Variants in CCSER1 observed in about 807,000 individuals in gnomAD.
CCSER1 encodes serine-rich coiled-coil domain-containing protein 1.
In CCSER1, 41 loss-of-function variants were observed where a neutral mutation model predicts 82.0. The ratio of observed to expected loss-of-function variants is 0.50; its 90% confidence interval spans 0.39 to 0.65. CCSER1 has a LOEUF of 0.65. Among genes scored for constraint, CCSER1 ranks in the 30% least tolerant of loss-of-function variants. The pLI, the probability that CCSER1 is intolerant of heterozygous loss-of-function variation, is 0.00. For missense variants in CCSER1, 1,119 were observed against 1,064.2 expected (o/e 1.05, Z -0.72); for synonymous variants, 414 against 383.9 (o/e 1.08, Z -0.92).
chr4:90,916,558 A>G (rs1207649026), intron 8 of CCSER1, among the ~76,000 whole-genome samples: 2 of 152,138 alleles, frequency 1.3e-5, no homozygotes, highest in Non-Finnish European at 2.9e-5. Context: ...AACCATAAAA[A>G]CCCTAGAAGA....
At chr4:90,551,706 C>CTATATATATATATATATATATA (rs1553940962) in intron 5 of CCSER1, among the ~76,000 whole-genome samples, 7 of 104,240 alleles carry the variant, frequency 6.7e-5, no homozygotes, top group African/African-American at 2.3e-4. Flanking sequence ...CTCTCTCTCT[C>CTATATATATATATATATATATA]TATATATATA....
intron 10 of CCSER1, among the ~76,000 whole-genome samples, chr4:91,560,721 C>T (rs1425927423): frequency 6.6e-6 from 1 of 151,428 alleles, no homozygotes; most frequent in Non-Finnish European, 1.5e-5. Context: ...GCAAATTATT[C>T]ACTCATATCT....
intron 10 of CCSER1, among the ~76,000 whole-genome samples, chr4:91,321,829 G>A (rs987879683): frequency 1.3e-5 from 2 of 151,774 alleles, no homozygotes; most frequent in East Asian, 1.9e-4. Flanking sequence ...AGCTCCCTTC[G>A]ATCATTTAAA....
chr4:90,308,223 T>C, intron 1 of CCSER1, 21 bp from the exon 2 acceptor site: 1 of 1,445,628 alleles, frequency 6.9e-7, no homozygotes, highest in South Asian at 1.5e-5. Flanking sequence ...GACTTGTTGT[T>C]TTTGTTTTAA....
intron 10 of CCSER1, among the ~76,000 whole-genome samples, chr4:91,329,423 G>T (rs990940324): frequency 5.9e-5 from 9 of 152,236 alleles, no homozygotes; most frequent in African/African-American, 2.2e-4. Context: ...GAGTTCAAGG[G>T]AAATGCTGTT....
intron 1 of CCSER1, among the ~76,000 whole-genome samples, chr4:90,224,657 A>T (rs1742793897): frequency 6.6e-6 from 1 of 152,220 alleles, no homozygotes; most frequent in South Asian, 2.1e-4. Context: ...GATACATTCG[A>T]TGGAAGAAGA....
intron 1 of CCSER1, among the ~76,000 whole-genome samples, chr4:90,169,212 C>G (rs1386606306): frequency 1.3e-5 from 2 of 151,912 alleles, no homozygotes; most frequent in East Asian, 3.9e-4. Flanking sequence ...AGTTGGACTC[C>G]TAGGTATTTT....
intron 10 of CCSER1, among the ~76,000 whole-genome samples, chr4:91,492,302 G>T (rs1161801763): frequency 6.6e-6 from 1 of 151,986 alleles, no homozygotes; most frequent in African/African-American, 2.4e-5. Flanking sequence ...ATTTACTACT[G>T]CCTCAAATCT....
At chr4:90,638,452 T>C (rs992668910) in intron 6 of CCSER1, among the ~76,000 whole-genome samples, 3 of 152,242 alleles carry the variant, frequency 2.0e-5, no homozygotes, top group South Asian at 4.1e-4. Context: ...ACTAACTTAG[T>C]ATTGTCAGTT....
intron 10 of CCSER1, among the ~76,000 whole-genome samples, chr4:91,311,492 A>G (rs544738873): frequency 1.0e-3 from 155 of 151,990 alleles, no homozygotes; most frequent in African/African-American, 3.7e-3. Flanking sequence ...AGTAACGACA[A>G]CAAGTTTACT....
At chr4:90,933,914 A>G (rs1730598673) in intron 9 of CCSER1, among the ~76,000 whole-genome samples, 1 of 151,816 alleles carries the variant, frequency 6.6e-6, no homozygotes, top group Non-Finnish European at 1.5e-5. Context: ...CATTTTTTAC[A>G]TTTTGTTTTA....
intron 10 of CCSER1, among the ~76,000 whole-genome samples, chr4:91,265,001 A>C (rs558990848): frequency 2.0e-3 from 298 of 152,168 alleles, no homozygotes; most frequent in African/African-American, 5.9e-3. Flanking sequence ...CTTAAGGCAC[A>C]ATTAGCATTC....
chr4:90,783,503 T>A (rs1034460927), intron 7 of CCSER1, among the ~76,000 whole-genome samples: 3 of 152,170 alleles, frequency 2.0e-5, no homozygotes, highest in African/African-American at 7.2e-5. Context: ...TCTTAGGGAA[T>A]CCCGCACACT....
At chr4:90,467,418 G>A (rs1763786319) in intron 4 of CCSER1, among the ~76,000 whole-genome samples, 3 of 151,874 alleles carry the variant, frequency 2.0e-5, no homozygotes. Flanking sequence ...CTGGCTGGTG[G>A]CTCATGCCTG....
chr4:90,452,267 C>G (rs1365643194), intron 4 of CCSER1, among the ~76,000 whole-genome samples: 1 of 152,142 alleles, frequency 6.6e-6, no homozygotes, highest in Non-Finnish European at 1.5e-5. Context: ...CAGTCCTGTT[C>G]AAGCTCCCCA....
intron 9 of CCSER1, among the ~76,000 whole-genome samples, chr4:90,949,773 A>G (rs1214284856): frequency 6.6e-6 from 1 of 152,072 alleles, no homozygotes; most frequent in African/African-American, 2.4e-5. Context: ...TAATGATTCT[A>G]AGTAGCAGAC....
intron 10 of CCSER1, among the ~76,000 whole-genome samples, chr4:91,339,151 T>C (rs1747526553): frequency 6.6e-6 from 1 of 152,148 alleles, no homozygotes; most frequent in Non-Finnish European, 1.5e-5. Context: ...AACTCCACAT[T>C]ACATCAAGTA....
At chr4:91,526,895 G>A (rs1451985400) in intron 10 of CCSER1, among the ~76,000 whole-genome samples, 2 of 152,080 alleles carry the variant, frequency 1.3e-5, no homozygotes, top group Non-Finnish European at 2.9e-5. Flanking sequence ...GCCTGGCCCA[G>A]ATCATATACT....
intron 7 of CCSER1, among the ~76,000 whole-genome samples, chr4:90,791,618 A>G (rs1309305209): frequency 6.6e-6 from 1 of 152,176 alleles, no homozygotes; most frequent in Non-Finnish European, 1.5e-5. Flanking sequence ...TGGGAGGCCA[A>G]GGCGGGCGGA....
Sources: allele counts gnomAD v4.1 joint callset (sites outside exome capture counted in the v4.1 genomes callset), GRCh38; gene constraint gnomAD v4.1.1; transcripts MANE v1.5; gene names NCBI Gene and HGNC (gene_info 2026-07-23, HGNC 2026-07-21).